RSRC1: variants seen among roughly 807,000 people sequenced by gnomAD.
RSRC1 encodes the protein arginine and serine rich coiled-coil 1.
RSRC1 carries 39 observed loss-of-function variants against 49.1 expected under a neutral mutation model. That is an observed-to-expected ratio of 0.79 (90% CI 0.61 to 1.04). The LOEUF (loss-of-function observed/expected upper bound fraction) is 1.04, where lower values mean the gene tolerates loss of function less well. RSRC1 is among the 50% of genes least tolerant of loss of function. The pLI is 0.00. For missense variants in RSRC1, 388 were observed against 402.4 expected, an observed-to-expected ratio of 0.96 and a Z score of 0.31; for synonymous variants, 143 against 130.8, an observed-to-expected ratio of 1.09 and a Z score of -0.63.
intron 7 of RSRC1, among the ~76,000 whole-genome samples, chr3:158,489,051 C>T (rs537804534): frequency 5.9e-5 from 9 of 152,236 alleles, no homozygotes; most frequent in South Asian, 2.1e-4. Flanking sequence ...ACAAGAAACA[C>T]GCTAAGTTTT....
intron 3 of RSRC1, among the ~76,000 whole-genome samples, chr3:158,194,596 A>G (rs1279064168): frequency 2.0e-5 from 3 of 150,002 alleles, no homozygotes; most frequent in African/African-American, 7.4e-5. Flanking sequence ...TGCTGCACCC[A>G]TTAACTCGTC....
At chr3:158,419,003 A>T (rs1430315545) in intron 6 of RSRC1, among the ~76,000 whole-genome samples, 1 of 151,992 alleles carries the variant, frequency 6.6e-6, no homozygotes, top group East Asian at 1.9e-4. Context: ...AATTAATTCC[A>T]TTCACATGGT....
At chr3:158,386,661 T>C (rs1387660342) in intron 6 of RSRC1, among the ~76,000 whole-genome samples, 3 of 152,040 alleles carry the variant, frequency 2.0e-5, no homozygotes, top group East Asian at 1.9e-4. Context: ...GAAACATTGA[T>C]TGACTTTCAT....
At chr3:158,343,287 G>A (rs1356899022) in intron 5 of RSRC1, among the ~76,000 whole-genome samples, 1 of 152,180 alleles carries the variant, frequency 6.6e-6, no homozygotes, top group Non-Finnish European at 1.5e-5. Context: ...AGCAGGATGC[G>A]AAGGGATCAA....
At chr3:158,191,833 T>C (rs1466989767) in intron 3 of RSRC1, among the ~76,000 whole-genome samples, 1 of 152,064 alleles carries the variant, frequency 6.6e-6, no homozygotes, top group African/African-American at 2.4e-5. Context: ...TCTGAACTTG[T>C]ACTTTCTTCT....
intron 3 of RSRC1, among the ~76,000 whole-genome samples, chr3:158,169,933 T>G (rs1490456722): frequency 3.9e-5 from 6 of 152,186 alleles, no homozygotes. Flanking sequence ...GCTGTAATGC[T>G]TAAGGATATA....
intron 6 of RSRC1, among the ~76,000 whole-genome samples, chr3:158,394,323 GA>G (rs1051219788): frequency 6.6e-6 from 1 of 151,240 alleles, no homozygotes; most frequent in Non-Finnish European, 1.5e-5. Flanking sequence ...GCAAAAGAAA[GA>G]AAAAAAAGGC....
intron 6 of RSRC1, among the ~76,000 whole-genome samples, chr3:158,373,064 T>G (rs1732166428): frequency 6.6e-6 from 1 of 151,892 alleles, no homozygotes; most frequent in Non-Finnish European, 1.5e-5. Flanking sequence ...TTTGTCAAAC[T>G]CACTTAGAGA....
chr3:158,180,393 CTTTTTTTTTTTTTT>C (rs1163298458), intron 3 of RSRC1, among the ~76,000 whole-genome samples: 1 of 38,530 alleles, frequency 2.6e-5, no homozygotes, highest in Admixed American at 3.7e-4. Flanking sequence ...GGTCGAGGTT[CTTTTTTTTTTTTTT>C]TTTTTTTTTG....
chr3:158,448,510 A>G (rs1399253633), intron 6 of RSRC1, among the ~76,000 whole-genome samples: 1 of 151,938 alleles, frequency 6.6e-6, no homozygotes, highest in Non-Finnish European at 1.5e-5. Flanking sequence ...TAAAAAAACT[A>G]TCAGCTATTC....
intron 5 of RSRC1, among the ~76,000 whole-genome samples, chr3:158,324,563 C>T (rs1728962499): frequency 6.6e-6 from 1 of 152,154 alleles, no homozygotes; most frequent in Non-Finnish European, 1.5e-5. Context: ...GACATGAACT[C>T]TTCCTTTCTT....
intron 3 of RSRC1, among the ~76,000 whole-genome samples, chr3:158,135,164 G>T (rs987274172): frequency 6.6e-6 from 1 of 152,082 alleles, no homozygotes; most frequent in Non-Finnish European, 1.5e-5. Flanking sequence ...TTTGAACTTA[G>T]TGTAAGTTCT....
chr3:158,277,810 G>A (rs1725901461), intron 4 of RSRC1, among the ~76,000 whole-genome samples: 1 of 152,104 alleles, frequency 6.6e-6, no homozygotes, highest in Non-Finnish European at 1.5e-5. Flanking sequence ...TTTAGAGACA[G>A]CATCTCACTC....
chr3:158,357,416 C>T (rs1578381989), intron 6 of RSRC1, among the ~76,000 whole-genome samples: 2 of 152,042 alleles, frequency 1.3e-5, no homozygotes, highest in African/African-American at 2.4e-5. Context: ...GTTAAGTAAT[C>T]GTTTTACTAG....
chr3:158,278,147 C>CA (rs141476415), intron 4 of RSRC1, among the ~76,000 whole-genome samples: 1,667 of 152,168 alleles, frequency 0.011, 9 homozygotes, highest in Non-Finnish European at 0.017. Context: ...CTGTATCTGT[C>CA]AAAAAAATCA....
At chr3:158,296,358 G>A (rs970057290) in intron 4 of RSRC1, among the ~76,000 whole-genome samples, 2 of 151,778 alleles carry the variant, frequency 1.3e-5, no homozygotes, top group African/African-American at 4.8e-5. Context: ...ACACACGAGT[G>A]CATATCTTCA....
At chr3:158,131,270 G>T (rs1255089339) in intron 3 of RSRC1, among the ~76,000 whole-genome samples, 1 of 151,432 alleles carries the variant, frequency 6.6e-6, no homozygotes, top group African/African-American at 2.4e-5. Flanking sequence ...TTATTTGCTG[G>T]GAATTTGTTA....
intron 7 of RSRC1, among the ~76,000 whole-genome samples, chr3:158,471,786 G>C (rs1249174921): frequency 6.6e-6 from 1 of 152,078 alleles, no homozygotes; most frequent in East Asian, 1.9e-4. Context: ...TGAGAGGAAA[G>C]GAAAGAATTT....
intron 7 of RSRC1, among the ~76,000 whole-genome samples, chr3:158,482,558 G>A (rs1738652734): frequency 6.6e-6 from 1 of 152,010 alleles, no homozygotes; most frequent in East Asian, 1.9e-4. Context: ...TGGACAAGAA[G>A]ACTTCTTAAA....
Sources: allele counts gnomAD v4.1 joint callset (sites outside exome capture counted in the v4.1 genomes callset), GRCh38; gene constraint gnomAD v4.1.1; transcripts MANE v1.5; gene names NCBI Gene and HGNC (gene_info 2026-07-23, HGNC 2026-07-21).